Variants in ZDHHC11B observed in about 807,000 individuals in gnomAD.
The protein encoded by ZDHHC11B is probable palmitoyltransferase ZDHHC11B.
ZDHHC11B carries 17 observed loss-of-function variants against 42.3 expected under a neutral mutation model. The observed-to-expected ratio is 0.40, with a 90% CI of 0.27 to 0.60. The LOEUF is 0.60. Ranked by LOEUF, ZDHHC11B falls within the 20% of genes least tolerant of loss-of-function variation. ZDHHC11B has a pLI of 0.41. For synonymous variants in ZDHHC11B, 123 were observed against 193.5 expected (o/e 0.64, Z 3.02); for missense variants, 262 against 463.2 (o/e 0.57, Z 3.99).
At chr5:726,541 G>T (rs1486484441) in intron 12 of ZDHHC11B, among the ~76,000 whole-genome samples, 1 of 130,988 alleles carries the variant, frequency 7.6e-6, no homozygotes, top group Non-Finnish European at 1.6e-5. Flanking sequence ...CCAACAAAGA[G>T]GAATATGATT....
At chr5:766,643 G>T (rs577359513) in intron 4 of ZDHHC11B, 55 bp downstream of exon 4, 1 of 1,522,620 alleles carries the variant, frequency 6.6e-7, no homozygotes, top group East Asian at 2.4e-5. Flanking sequence ...CAGGTCCATC[G>T]CAGGGTCCTC....
chr5:718,356 C>T (rs1267450601), intron 12 of ZDHHC11B, among the ~76,000 whole-genome samples: 3 of 151,682 alleles, frequency 2.0e-5, no homozygotes, highest in Admixed American at 6.6e-5. Flanking sequence ...CCTAGTCAGA[C>T]ATGTATGGGA....
chr5:777,024 C>T (rs542456769), intron 1 of ZDHHC11B, among the ~76,000 whole-genome samples: 2 of 151,986 alleles, frequency 1.3e-5, no homozygotes, highest in Admixed American at 6.6e-5. Context: ...CAGCACAGGA[C>T]GCAGTGTGTC....
At chr5:765,690 C>T (rs1364197088) in intron 4 of ZDHHC11B, among the ~76,000 whole-genome samples, 2 of 151,932 alleles carry the variant, frequency 1.3e-5, no homozygotes, top group Non-Finnish European at 2.9e-5. Flanking sequence ...TCCGCACTGC[C>T]TTTATGAGCT....
chr5:766,197 TC>T (rs1479988315), intron 4 of ZDHHC11B, among the ~76,000 whole-genome samples: 1 of 151,234 alleles, frequency 6.6e-6, no homozygotes, highest in East Asian at 1.9e-4. Flanking sequence ...CAGACATGAG[TC>T]CCCGCCTGAT....
intron 12 of ZDHHC11B, among the ~76,000 whole-genome samples, chr5:720,102 A>G (rs1433872692): frequency 6.6e-6 from 1 of 151,824 alleles, no homozygotes; most frequent in Non-Finnish European, 1.5e-5. Flanking sequence ...AGACTACTCT[A>G]TTTAAAGAAA....
intron 4 of ZDHHC11B, among the ~76,000 whole-genome samples, chr5:766,357 G>A (rs1349959587): frequency 6.6e-6 from 1 of 151,898 alleles, no homozygotes; most frequent in Non-Finnish European, 1.5e-5. Flanking sequence ...TGGGAGATGG[G>A]AGCAGACGGC....
chr5:747,765 C>A (rs1230567954), intron 8 of ZDHHC11B: 1 of 179,294 alleles, frequency 5.6e-6, no homozygotes, highest in Non-Finnish European at 1.1e-5. Context: ...GGGGCCACCA[C>A]TGCCCAGAGA....
rs1169728112 is a variant in ZDHHC11B, at chr5:760,860, C to A, written c.223-4716G>T. Among the ~76,000 whole-genome samples, 4 of 151,030 alleles carry A rather than the reference C, an allele frequency of 2.6e-5. 1 individual carries two copies. Among genetic ancestry groups the A allele is most frequent in the Admixed American group, 2.6e-4 (4 of 15,152 alleles). On this transcript the variant is annotated intron_variant, in intron 4 of 13. Coordinates refer to ENST00000508859, the MANE Select transcript of ZDHHC11B (RefSeq NM_001351303.2). ...AACCGCTGCGTCCCCACCTACAGGG[C>A]CTCCTGACAGTGCAGCGGGACAGGC...
rs1448410227 is a variant in ZDHHC11B, at chr5:715,881, G to A, written c.*7+920C>T. 2.0e-5 allele frequency among the ~76,000 whole-genome samples: 3 copies of A among 151,634 alleles called. No homozygotes were observed. The East Asian group carries it at 5.8e-4, about 29-fold the overall frequency. On this transcript the variant is annotated intron_variant, in intron 13 of 13. Coordinates refer to ENST00000508859, the MANE Select transcript of ZDHHC11B (RefSeq NM_001351303.2). ...TGGCACCCAGACGGCTGTGGGAGCT[G>A]CCTGGAGCACAGGAACTCTGAGGAT...
In ZDHHC11B at chr5:741,012, CAG is replaced by C. The variant is rs1305202387; in HGVS notation, c.935+580_935+581del. ...CTGCTCCACCCTTTTGAGAAGTCATCAGAGAGTCTGTGAAGATTGAAAATGCG... is the reference window on the plus strand; with the variant it reads ...CTGCTCCACCCTTTTGAGAAGTCATCAGAGTCTGTGAAGATTGAAAATGCG... On this transcript the variant is annotated intron_variant, in intron 10 of 13. Transcript: ENST00000508859. Among the ~76,000 whole-genome samples, 10 of 82,244 alleles carry C rather than the reference CAG, an allele frequency of 1.2e-4. 2 individuals are homozygous for C. The South Asian group carries it at 3.6e-3, about 29-fold the overall frequency. The allele number at this position is 82,244 out of a possible 152,430, so 54.0% of individuals were successfully genotyped here.
intron 1 of ZDHHC11B, among the ~76,000 whole-genome samples, chr5:777,485 G>A (rs903620562): frequency 1.3e-5 from 2 of 151,792 alleles, no homozygotes; most frequent in African/African-American, 2.4e-5. Context: ...AGACTGAGCG[G>A]CAAGATTTAT....
rs74711280 is a variant in ZDHHC11B at position 754,034 on chromosome 5, A to G, written c.503+964T>C. On this transcript the variant is annotated intron_variant, in intron 6 of 13. Transcript: ENST00000508859. ...TGCTCAGGGGAAACACCTCTCATCT[A>G]TGAGCCTCCACCGTGCTCAGGGGAA... is the stretch of plus-strand genomic sequence containing the variant. Among the ~76,000 whole-genome samples, 323 of 52,430 alleles carry G rather than the reference A, an allele frequency of 6.2e-3. 6 individuals are homozygous for G. The highest frequency in any genetic ancestry group is 0.02 in the African/African-American group (288 of 14,724). The allele number at this position is 52,430 out of a possible 152,430, so 34.4% of individuals were successfully genotyped here. A position where few individuals can be genotyped will look rare whatever the true frequency, so the allele number is the denominator to read the frequency against.
chr5:777,351 G>A (rs1257453877), intron 1 of ZDHHC11B, among the ~76,000 whole-genome samples: 2 of 151,828 alleles, frequency 1.3e-5, no homozygotes, highest in African/African-American at 2.4e-5. Context: ...CAGAGACAGC[G>A]CGTCTGGAGC....
chr5:710,428 C>T lies in ZDHHC11B; in HGVS notation c.*1862G>A, dbSNP rs1451442573. 3.2e-5 allele frequency: 5 copies of T among 154,270 alleles called. No homozygotes were observed. The highest frequency in any genetic ancestry group is 2.0e-4 in the South Asian group (1 of 4,898). The allele number at this position is 154,270 out of a possible 1,614,324, so 9.6% of individuals were successfully genotyped here. On this transcript the variant is annotated 3_prime_UTR_variant, in exon 14 of 14. Coordinates refer to ENST00000508859, the MANE Select transcript of ZDHHC11B (RefSeq NM_001351303.2). ...AATATGACTACTAAACAGACTAAAA[C>T]GCAGAGTTCATTAAAATACAGAGGA...
rs377635338 is a variant in ZDHHC11B at position 711,009 on chromosome 5, G to A, written c.*1281C>T. The A allele has an allele frequency of 1.4e-3, 194 of 142,898 alleles. 3 individuals carry two copies. Among genetic ancestry groups the A allele is most frequent in the African/African-American group, 4.8e-3 (177 of 36,698 alleles). 8.9% of individuals were successfully genotyped at this position (142,898 alleles called of 1,614,324 possible). On this transcript the variant is annotated 3_prime_UTR_variant, in exon 14 of 14. Transcript: ENST00000508859. ...TGTGCTCCATTTCCCAGTACTGTGA[G>A]CTCCCATTTCTCAGCGCTGTGCTCC... is the stretch of plus-strand genomic sequence containing the variant.
rs756399892 is a variant in ZDHHC11B at position 766,935 on chromosome 5, G to A, written c.1-16C>T. The A allele has an allele frequency of 3.7e-6, 6 of 1,608,910 alleles. No individual in the cohort carries two copies. In the Admixed American group the frequency reaches 5.0e-5, roughly 13 times the overall value. ...GGGTGTCCATCTGCAGGACACAGAA[G>A]GGGAGGACCTGCGCCATCAGCTCCG... On this transcript the variant is annotated splice_polypyrimidine_tract_variant and intron_variant, in intron 3 of 13. Coordinates refer to ENST00000508859, the MANE Select transcript of ZDHHC11B (RefSeq NM_001351303.2).
chr5:784,655 C>A lies in ZDHHC11B; in HGVS notation c.-230+13G>T, dbSNP rs1386074778. 4.0e-5 allele frequency among the ~76,000 whole-genome samples: 6 copies of A among 151,066 alleles called. No individual in the cohort carries two copies. Among genetic ancestry groups the A allele is most frequent in the African/African-American group, 1.5e-4 (6 of 41,202 alleles). Reference sequence around the variant, plus strand: ...GCGCCGCGCCCGCAGGACCGAGCCCCGCGCCCGCTTACCTTGGAGACGCAG... The same window carrying A: ...GCGCCGCGCCCGCAGGACCGAGCCCAGCGCCCGCTTACCTTGGAGACGCAG... On this transcript the variant is annotated intron_variant, in intron 1 of 13. Transcript: ENST00000508859.
intron 4 of ZDHHC11B, among the ~76,000 whole-genome samples, chr5:759,671 G>A (rs1280049951): frequency 6.0e-5 from 9 of 149,710 alleles, no homozygotes; most frequent in African/African-American, 1.5e-4. Context: ...GCCCATACAC[G>A]CGGCCGCTGG....
Sources: allele counts gnomAD v4.1 joint callset (sites outside exome capture counted in the v4.1 genomes callset), GRCh38; gene constraint gnomAD v4.1.1; transcripts MANE v1.5; gene names NCBI Gene and HGNC (gene_info 2026-07-23, HGNC 2026-07-21).